The following ATF7 variants were observed in gnomAD, a reference collection of about 807,000 sequenced individuals.
ATF7 encodes the protein activating transcription factor 7.
Under a neutral mutation model 50.4 loss-of-function variants are expected in ATF7, and 10 were observed. That is an observed-to-expected ratio of 0.20 (90% CI 0.12 to 0.34). ATF7 has a LOEUF of 0.34. ATF7 is among the 10% of genes least tolerant of loss of function. The pLI, the probability that ATF7 is intolerant of heterozygous loss-of-function variation, is 1.00. For synonymous variants in ATF7, 201 were observed against 226.4 expected, an observed-to-expected ratio of 0.89 and a Z score of 1.01; for missense variants, 465 against 613.9, an observed-to-expected ratio of 0.76 and a Z score of 2.56.
intron 4 of ATF7, among the ~76,000 whole-genome samples, chr12:53,541,619 G>A (rs2137429496): frequency 6.6e-6 from 1 of 152,206 alleles, no homozygotes; most frequent in South Asian, 2.1e-4. Flanking sequence ...AGGATTAGAA[G>A]GGATTCCAGC....
At chr12:53,573,981 C>T (rs747971432) in intron 2 of ATF7, among the ~76,000 whole-genome samples, 39 of 152,218 alleles carry the variant, frequency 2.6e-4, no homozygotes, top group South Asian at 8.3e-4. Flanking sequence ...CCCTGTCATA[C>T]CTCATCACAA....
chr12:53,536,402 G>A (rs1304527714), intron 5 of ATF7, among the ~76,000 whole-genome samples: 9 of 151,250 alleles, frequency 6.0e-5, no homozygotes, highest in African/African-American at 1.9e-4. Context: ...TCAGCCTCCC[G>A]AGTAGCTGGG....
intron 4 of ATF7, among the ~76,000 whole-genome samples, chr12:53,541,914 C>T (rs759635534): frequency 2.6e-4 from 40 of 151,978 alleles, no homozygotes; most frequent in Admixed American, 9.8e-4. Flanking sequence ...CTCTGCCTCC[C>T]GGGTTCAAGT....
intron 11 of ATF7, among the ~76,000 whole-genome samples, chr12:53,520,896 C>T (rs7974303): frequency 0.028 from 4,257 of 152,172 alleles, 202 homozygotes; most frequent in African/African-American, 0.097. Context: ...CTTTCACTAC[C>T]GTCATCCCTT....
At chr12:53,558,016 C>T (rs934336196) in intron 2 of ATF7, among the ~76,000 whole-genome samples, 5 of 152,164 alleles carry the variant, frequency 3.3e-5, no homozygotes, top group Admixed American at 3.3e-4. Context: ...ATGTGGCTCA[C>T]GTTTGTGGTT....
At position 53,513,009 on chromosome 12, in the gene ATF7, T is replaced by C. The variant is rs1362473269; in HGVS notation, c.*4128A>G. On this transcript the variant is annotated 3_prime_UTR_variant, in exon 12 of 12. Coordinates refer to ENST00000420353, the MANE Select transcript of ATF7 (RefSeq NM_006856.3). ...AGATTACTGTGGCACTGCCCTAAGG[T>C]AAAGTCAGTGAAACTATTGCTCATA... 1 of 152,092 alleles carries C rather than the reference T, an allele frequency of 6.6e-6. No homozygotes were observed. The highest frequency in any genetic ancestry group is 2.4e-5 in the African/African-American group (1 of 41,412). 9.4% of individuals were successfully genotyped at this position (152,092 alleles called of 1,614,324 possible). A position where few individuals can be genotyped will look rare whatever the true frequency, so the allele number is the denominator to read the frequency against.
intron 2 of ATF7, among the ~76,000 whole-genome samples, chr12:53,555,099 C>T (rs1269761911): frequency 1.3e-5 from 2 of 151,968 alleles, no homozygotes; most frequent in African/African-American, 4.8e-5. Context: ...GCAGGTGGAT[C>T]ACCTGAGGTC....
intron 2 of ATF7, among the ~76,000 whole-genome samples, chr12:53,597,186 GT>G (rs530064294): frequency 2.0e-5 from 3 of 148,542 alleles, no homozygotes; most frequent in Admixed American, 6.7e-5. Context: ...CTTCAGCAGC[GT>G]TTTTTTTTTA....
At chr12:53,621,038 C>CTTA (rs1944358951) in intron 1 of ATF7, among the ~76,000 whole-genome samples, 1 of 152,174 alleles carries the variant, frequency 6.6e-6, no homozygotes, top group African/African-American at 2.4e-5. Flanking sequence ...ATGCAGTGAT[C>CTTA]TATAAACAGT....
At chr12:53,573,764 G>A (rs1300471933) in intron 2 of ATF7, among the ~76,000 whole-genome samples, 2 of 152,248 alleles carry the variant, frequency 1.3e-5, no homozygotes, top group East Asian at 3.9e-4. Flanking sequence ...CTTTACCAGA[G>A]CCTAACCTGC....
At position 53,515,348 on chromosome 12, in the gene ATF7, GA is replaced by G. The variant is rs1180976662; in HGVS notation, c.*1788del. 1 of 152,210 alleles carries G rather than the reference GA, an allele frequency of 6.6e-6. No individual in the cohort carries two copies. The highest frequency in any genetic ancestry group is 2.4e-5 in the African/African-American group (1 of 41,456). The allele number at this position is 152,210 out of a possible 1,614,324, so 9.4% of individuals were successfully genotyped here. A position where few individuals can be genotyped will look rare whatever the true frequency, so the allele number is the denominator to read the frequency against. ...ACAGTCAATTTTGGAGACAAAATAA[GA>G]AAGGAAGCTGGCAGTTATTTTGTAT... On this transcript the variant is annotated 3_prime_UTR_variant, in exon 12 of 12. Coordinates refer to ENST00000420353, the MANE Select transcript of ATF7 (RefSeq NM_006856.3).
chr12:53,611,885 C>T (rs1196612868), intron 1 of ATF7, among the ~76,000 whole-genome samples: 2 of 151,884 alleles, frequency 1.3e-5, no homozygotes, highest in Non-Finnish European at 2.9e-5. Context: ...TGAGCCACCA[C>T]TTTCAGCCAG....
intron 2 of ATF7, among the ~76,000 whole-genome samples, chr12:53,583,639 G>A (rs1399435982): frequency 2.0e-5 from 3 of 152,000 alleles, no homozygotes; most frequent in African/African-American, 7.2e-5. Flanking sequence ...CTTTTGTATG[G>A]CGATGACTTT....
intron 3 of ATF7, among the ~76,000 whole-genome samples, chr12:53,547,817 G>A (rs1940047218): frequency 6.6e-6 from 1 of 151,938 alleles, no homozygotes; most frequent in Non-Finnish European, 1.5e-5. Flanking sequence ...TTTAGATACA[G>A]GGTCTCACTC....
Position 53,524,424 on chromosome 12 carries a change from TTAA to T in ATF7, c.1125+137_1125+139del. The stretch of plus-strand genomic sequence containing the variant: ...ATGAAAGAGATTTCAACTCTGACCG[TTAA>T]GAGATTCTTCATGGGACAACTAGAT... On this transcript the variant is annotated intron_variant, in intron 10 of 11. Coordinates refer to ENST00000420353, the MANE Select transcript of ATF7 (RefSeq NM_006856.3). The surrounding 1 kb of genome is among the most constrained non-coding windows in gnomAD (Gnocchi z 4.6). The T allele has an allele frequency of 1.0e-6, 1 of 982,180 alleles. No individual in the cohort carries two copies. Among genetic ancestry groups the T allele is most frequent in the Non-Finnish European group, 1.5e-6 (1 of 676,752 alleles). The allele number at this position is 982,180 out of a possible 1,614,324, so 60.8% of individuals were successfully genotyped here.
chr12:53,603,594 A>T (rs1943488423), intron 1 of ATF7, among the ~76,000 whole-genome samples: 1 of 152,030 alleles, frequency 6.6e-6, no homozygotes, highest in Admixed American at 6.6e-5. Context: ...ACCCACAATT[A>T]TTCTTAAATC....
intron 2 of ATF7, among the ~76,000 whole-genome samples, chr12:53,553,315 A>G (rs1940505197): frequency 6.6e-6 from 1 of 152,226 alleles, no homozygotes; most frequent in South Asian, 2.1e-4. Flanking sequence ...TCCATCAGCC[A>G]TAAAAAGGCC....
Position 53,529,443 on chromosome 12 carries a change from C to T in ATF7, c.927+2301G>A, listed in dbSNP as rs1382147383. Among the ~76,000 whole-genome samples the T allele has an allele frequency of 1.2e-4, 18 of 151,334 alleles. No individual in the cohort carries two copies. The East Asian group carries it at 1.4e-3, about 12-fold the overall frequency. ...GTCTCGAACTCCTGACCTTGTGATC[C>T]GCCCACCTCGGCCTCCCAAAGTGCT... On this transcript the variant is annotated intron_variant, in intron 9 of 11. Coordinates refer to ENST00000420353, the MANE Select transcript of ATF7 (RefSeq NM_006856.3).
chr12:53,551,308 C>T (rs577350367), intron 3 of ATF7, among the ~76,000 whole-genome samples: 1 of 152,280 alleles, frequency 6.6e-6, no homozygotes, highest in South Asian at 2.1e-4. Flanking sequence ...TATAGCCATG[C>T]ATCATCACAT....
Sources: gnomAD v4.1 joint callset for allele counts (sites outside exome capture counted in the v4.1 genomes callset) on GRCh38, gnomAD v4.1.1 for gene constraint, Gnocchi (gnomAD v3.1) non-coding constraint, MANE v1.5 for transcripts, NCBI Gene and HGNC (gene_info 2026-07-23, HGNC 2026-07-21) for gene names.